Variants in ENOX1 observed in about 807,000 individuals in gnomAD.
ENOX1 encodes ecto-NOX disulfide-thiol exchanger 1, also known as candidate growth-related and time keeping constitutive hydroquinone (NADH) oxidase.
A neutral mutation model predicts 82.5 loss-of-function variants in ENOX1; 42 were observed. The ratio of observed to expected loss-of-function variants is 0.51; its 90% confidence interval spans 0.40 to 0.66. ENOX1 has a LOEUF of 0.66. Among genes scored for constraint, ENOX1 ranks in the 30% least tolerant of loss-of-function variants. ENOX1 has a pLI of 0.00. For synonymous variants in ENOX1, 271 were observed against 282.2 expected (o/e 0.96, Z 0.40); for missense variants, 608 against 811.6 (o/e 0.75, Z 3.05).
intron 14 of ENOX1, among the ~76,000 whole-genome samples, chr13:43,250,885 G>A (rs1237350053): frequency 6.6e-6 from 1 of 152,204 alleles, no homozygotes; most frequent in Non-Finnish European, 1.5e-5. Flanking sequence ...GAGCCAGGGT[G>A]CTGGGGAAGC....
intron 2 of ENOX1, among the ~76,000 whole-genome samples, chr13:43,519,145 G>A (rs954677076): frequency 5.9e-5 from 9 of 152,142 alleles, no homozygotes; most frequent in African/African-American, 1.9e-4. Flanking sequence ...AGTCCATTTA[G>A]TTTGGAATTT....
intron 2 of ENOX1, among the ~76,000 whole-genome samples, chr13:43,585,057 G>A (rs572214454): frequency 6.6e-6 from 1 of 152,336 alleles, no homozygotes; most frequent in East Asian, 1.9e-4. Context: ...ATGCAGATGT[G>A]ATTAGGTTAC....
At chr13:43,412,779 G>A in intron 4 of ENOX1, 66 bp downstream of exon 4, 1 of 1,592,204 alleles carries the variant, frequency 6.3e-7, no homozygotes, top group East Asian at 2.2e-5. Context: ...TCAAGGTGGG[G>A]CAAGCTTTTC....
chr13:43,494,997 A>C (rs2076745066), intron 2 of ENOX1, among the ~76,000 whole-genome samples: 1 of 152,112 alleles, frequency 6.6e-6, no homozygotes, highest in Non-Finnish European at 1.5e-5. Context: ...GAATGTGGAG[A>C]TTCAAGAGGG....
At chr13:43,728,032 C>A (rs1232595883) in intron 1 of ENOX1, among the ~76,000 whole-genome samples, 1 of 152,224 alleles carries the variant, frequency 6.6e-6, no homozygotes, top group Non-Finnish European at 1.5e-5. Flanking sequence ...ATGGCAGCAG[C>A]TGCCAGAATT....
chr13:43,521,081 G>A (rs567718350), intron 2 of ENOX1, among the ~76,000 whole-genome samples: 1 of 152,058 alleles, frequency 6.6e-6, no homozygotes, highest in African/African-American at 2.4e-5. Context: ...ACAAAACCCA[G>A]AACAGCATAC....
At chr13:43,401,519 G>T (rs561071115) in intron 5 of ENOX1, among the ~76,000 whole-genome samples, 24 of 152,256 alleles carry the variant, frequency 1.6e-4, no homozygotes, top group Non-Finnish European at 2.5e-4. Flanking sequence ...AATGCCCCTG[G>T]AAATTTCAGG....
intron 2 of ENOX1, among the ~76,000 whole-genome samples, chr13:43,601,973 G>A (rs1305949024): frequency 2.0e-5 from 3 of 152,064 alleles, no homozygotes. Context: ...AAATAGGAAG[G>A]AGAAATAAAG....
Position 43,586,765 on chromosome 13 carries a change from G to A in ENOX1, c.-219+80714C>T, listed in dbSNP as rs2081007229. 2.0e-5 allele frequency among the ~76,000 whole-genome samples: 3 copies of A among 152,120 alleles called. No individual in the cohort carries two copies. In the South Asian group the frequency reaches 6.2e-4, roughly 32 times the overall value. On this transcript the variant is annotated intron_variant, in intron 2 of 16. Coordinates refer to ENST00000690772, the MANE Select transcript of ENOX1 (RefSeq NM_001347969.2). ...ACTCCTGTGTTTTCAGTGAGCAGGT[G>A]CAAGATTTAAGAAATAGTAAAAGAG...
chr13:43,736,105 C>T (rs2089617909), intron 1 of ENOX1, among the ~76,000 whole-genome samples: 1 of 152,070 alleles, frequency 6.6e-6, no homozygotes, highest in African/African-American at 2.4e-5. Flanking sequence ...TTTAATGTAC[C>T]TTATTGATTC....
intron 2 of ENOX1, among the ~76,000 whole-genome samples, chr13:43,505,479 G>A (rs9634775): frequency 0.1 from 15,582 of 151,922 alleles, 872 homozygotes; most frequent in East Asian, 0.25. Context: ...AAATATAATT[G>A]TATAACACTT....
intron 1 of ENOX1, among the ~76,000 whole-genome samples, chr13:43,684,066 A>G (rs897491871): frequency 3.0e-5 from 4 of 133,642 alleles, no homozygotes; most frequent in Non-Finnish European, 6.3e-5. Flanking sequence ...ACTGTACTCC[A>G]GCCTGGGCGA....
At chr13:43,549,022 T>C (rs2079082458) in intron 2 of ENOX1, among the ~76,000 whole-genome samples, 1 of 152,236 alleles carries the variant, frequency 6.6e-6, no homozygotes, top group African/African-American at 2.4e-5. Flanking sequence ...CCACAAACTC[T>C]GTTTCCCTCT....
At chr13:43,265,523 C>T in intron 13 of ENOX1, 69 bp from the exon 14 acceptor site, 1 of 1,308,132 alleles carries the variant, frequency 7.6e-7, no homozygotes, top group East Asian at 2.3e-5. Context: ...TTAAGTATAT[C>T]ATCTTGTTAA....
Position 43,760,001 on chromosome 13 carries a change from A to C in ENOX1, c.-285+26651T>G, listed in dbSNP as rs572045548. Reference sequence around the variant, plus strand: ...AAAATAACTGCTTCATTATCACAAAATTATGCACAATGGTGGAGATTAAAG... The same window carrying C: ...AAAATAACTGCTTCATTATCACAAACTTATGCACAATGGTGGAGATTAAAG... On this transcript the variant is annotated intron_variant, in intron 1 of 16. Coordinates refer to ENST00000690772, the MANE Select transcript of ENOX1 (RefSeq NM_001347969.2). Among the ~76,000 whole-genome samples the C allele has an allele frequency of 9.2e-5, 14 of 152,336 alleles. No homozygotes were observed. The East Asian group carries it at 2.5e-3, about 27-fold the overall frequency.
At chr13:43,465,182 G>A (rs1003806144) in intron 3 of ENOX1, among the ~76,000 whole-genome samples, 6 of 152,104 alleles carry the variant, frequency 3.9e-5, no homozygotes, top group Non-Finnish European at 5.9e-5. Flanking sequence ...CATTTAAGGG[G>A]GAGGGTAAGC....
intron 3 of ENOX1, among the ~76,000 whole-genome samples, chr13:43,465,169 C>T (rs1158414094): frequency 1.3e-5 from 2 of 152,094 alleles, no homozygotes; most frequent in Admixed American, 1.3e-4. Flanking sequence ...TAAATCCAGC[C>T]CACATTTAAG....
chr13:43,359,875 C>T lies in ENOX1; in HGVS notation c.565G>A (p.Val189Ile), dbSNP rs772419764. 7 of 1,614,192 alleles carry T rather than the reference C, an allele frequency of 4.3e-6. No homozygotes were observed. Among genetic ancestry groups the T allele is most frequent in the Non-Finnish European group, 5.9e-6 (7 of 1,180,010 alleles). Residue 189 changes from valine to isoleucine, a missense_variant, in exon 7 of 17, where the codon GTT (valine) becomes ATT (isoleucine). By Grantham distance (29) the Val-to-Ile change is conservative. Transcript: ENST00000690772. Reference sequence around the variant, plus strand: ...CCAGAAAGGTAAATGGCTTTATCAACCATGAATTCCTCTGCAAAGCGAATG... The same window carrying T: ...CCAGAAAGGTAAATGGCTTTATCAATCATGAATTCCTCTGCAAAGCGAATG... The part of the protein sequence containing the change: ...CHIRFAEEFM[V>I]DKAIYLSGYR...
intron 1 of ENOX1, among the ~76,000 whole-genome samples, chr13:43,717,535 A>C (rs1215935307): frequency 6.6e-6 from 1 of 152,218 alleles, no homozygotes; most frequent in Non-Finnish European, 1.5e-5. Context: ...ACAAAAATTG[A>C]CATGTGGGAC....
Sources: allele counts gnomAD v4.1 joint callset (sites outside exome capture counted in the v4.1 genomes callset), GRCh38; gene constraint gnomAD v4.1.1; transcripts MANE v1.5; gene names NCBI Gene and HGNC (gene_info 2026-07-23, HGNC 2026-07-21).